The following ORC5 variants were observed in gnomAD, a reference collection of about 807,000 sequenced individuals.
ORC5 encodes the protein origin recognition complex subunit 5, also known as protein phosphatase 1, regulatory subunit 117.
In ORC5, 39 loss-of-function variants were observed where a neutral mutation model predicts 58.8. The ratio of observed to expected loss-of-function variants is 0.66; its 90% confidence interval spans 0.51 to 0.87. The LOEUF is 0.87. ORC5 is among the 40% of genes least tolerant of loss of function. The pLI is 0.00. For missense variants in ORC5, 493 were observed against 506.3 expected (o/e 0.97, Z 0.25); for synonymous variants, 218 against 177.6 (o/e 1.23, Z -1.81).
intron 12 of ORC5, among the ~76,000 whole-genome samples, chr7:104,140,336 T>C (rs990682007): frequency 6.6e-6 from 1 of 152,174 alleles, no homozygotes; most frequent in Non-Finnish European, 1.5e-5. Context: ...TCCTTTCCTT[T>C]TTCTCATTCC....
chr7:104,180,332 A>AAGAT (rs57851694), intron 8 of ORC5, among the ~76,000 whole-genome samples: 64,419 of 151,858 alleles, frequency 0.42, 15,980 homozygotes, highest in Non-Finnish European at 0.57. Context: ...GCATTTTATC[A>AAGAT]AGATAACTTT....
chr7:104,146,784 T>G (rs194866), intron 12 of ORC5, among the ~76,000 whole-genome samples: 1 of 151,852 alleles, frequency 6.6e-6, no homozygotes, highest in African/African-American at 2.4e-5. Flanking sequence ...CAAATATATA[T>G]AGACATACAC....
intron 12 of ORC5, among the ~76,000 whole-genome samples, chr7:104,159,247 T>C (rs1013400610): frequency 7.0e-6 from 1 of 143,726 alleles, no homozygotes; most frequent in Non-Finnish European, 1.5e-5. Flanking sequence ...AAACACCGCA[T>C]GTTCTCACTC....
chr7:104,202,058 C>T (rs1188150403), intron 2 of ORC5, among the ~76,000 whole-genome samples: 1 of 152,028 alleles, frequency 6.6e-6, no homozygotes, highest in Non-Finnish European at 1.5e-5. Context: ...ACACTGCACT[C>T]CAACCTGGGC....
chr7:104,197,832 A>G (rs775459764), intron 3 of ORC5, 33 bp from the exon 4 acceptor site: 1 of 1,353,772 alleles, frequency 7.4e-7, no homozygotes, highest in Non-Finnish European at 1.0e-6. Context: ...ACAAAAAGAA[A>G]TGCATTTACA....
chr7:104,127,936 C>T (rs569385178), intron 13 of ORC5, among the ~76,000 whole-genome samples: 12 of 152,118 alleles, frequency 7.9e-5, no homozygotes, highest in South Asian at 2.1e-4. Context: ...CTGAAGAATA[C>T]TAAGCCTTTC....
chr7:104,189,588 A>G (rs1458099790), intron 5 of ORC5, among the ~76,000 whole-genome samples: 3 of 152,148 alleles, frequency 2.0e-5, no homozygotes, highest in Non-Finnish European at 4.4e-5. Flanking sequence ...TCAAATCATG[A>G]CTATATAATG....
chr7:104,185,410 T>A, intron 6 of ORC5, among the ~76,000 whole-genome samples: 1 of 152,192 alleles, frequency 6.6e-6, no homozygotes, highest in Non-Finnish European at 1.5e-5. Context: ...GTTATATTTA[T>A]GTCACATAGA....
At chr7:104,207,710 T>A in intron 1 of ORC5, 123 bp downstream of exon 1, 1 of 787,510 alleles carries the variant, frequency 1.3e-6, no homozygotes, top group Non-Finnish European at 2.2e-6. Context: ...ACAACACCCC[T>A]ATTTAACGTA....
At chr7:104,203,840 A>C (rs1028182566) in intron 2 of ORC5, among the ~76,000 whole-genome samples, 2 of 152,220 alleles carry the variant, frequency 1.3e-5, no homozygotes, top group South Asian at 4.1e-4. Context: ...GGTAAATGAA[A>C]ATCCTAGCAG....
chr7:104,130,114 T>C (rs2115725164), intron 13 of ORC5, among the ~76,000 whole-genome samples: 1 of 152,248 alleles, frequency 6.6e-6, no homozygotes, highest in South Asian at 2.1e-4. Flanking sequence ...TTGTAACCTC[T>C]ATTTATCTTA....
At chr7:104,205,818 T>C (rs888812460) in intron 1 of ORC5, among the ~76,000 whole-genome samples, 4 of 152,148 alleles carry the variant, frequency 2.6e-5, no homozygotes, top group Non-Finnish European at 5.9e-5. Context: ...GGAGTTCGCC[T>C]GGGAAATACA....
rs1584472948 is a variant in ORC5, at chr7:104,129,202, C to G, written c.1263-2309G>C. ...AGGACTTCTCTATTTTTTGAGAAAT[C>G]TGTTTGTTACTATAGCATTAGAATA... is the stretch of plus-strand genomic sequence containing the variant. On this transcript the variant is annotated intron_variant, in intron 13 of 13. Coordinates refer to ENST00000297431, the MANE Select transcript of ORC5 (RefSeq NM_002553.4). This position sits in a 1 kb window ranked among gnomAD's most constrained non-coding sequence, Gnocchi z 4.9. Among the ~76,000 whole-genome samples, 1 of 152,056 alleles carries G rather than the reference C, an allele frequency of 6.6e-6. No homozygotes were observed. The highest frequency in any genetic ancestry group is 2.1e-4 in the South Asian group (1 of 4,830).
At chr7:104,159,397 C>T (rs1798986438) in intron 12 of ORC5, among the ~76,000 whole-genome samples, 1 of 146,470 alleles carries the variant, frequency 6.8e-6, no homozygotes, top group Admixed American at 6.8e-5. Context: ...TTAATGGGTG[C>T]AGCACACCAG....
chr7:104,193,137 C>T (rs1385852890), intron 5 of ORC5, among the ~76,000 whole-genome samples: 1 of 152,028 alleles, frequency 6.6e-6, no homozygotes, highest in Non-Finnish European at 1.5e-5. Context: ...CTCAACAAAT[C>T]CCCAGCAGGA....
chr7:104,198,302 A>G (rs776689587), intron 3 of ORC5, among the ~76,000 whole-genome samples: 47 of 152,390 alleles, frequency 3.1e-4, no homozygotes, highest in Non-Finnish European at 5.1e-4. Context: ...GCAACTTCCT[A>G]GAGACTTGTT....
chr7:104,148,081 G>A (rs1158010926), intron 12 of ORC5, among the ~76,000 whole-genome samples: 2 of 152,118 alleles, frequency 1.3e-5, no homozygotes, highest in Non-Finnish European at 2.9e-5. Flanking sequence ...ATATGGACTG[G>A]AATTTATTAC....
intron 13 of ORC5, among the ~76,000 whole-genome samples, chr7:104,131,667 C>T (rs1444477950): frequency 6.6e-6 from 1 of 152,092 alleles, no homozygotes; most frequent in East Asian, 1.9e-4. Flanking sequence ...GCCTGGCCAA[C>T]ATGGCAAAAC....
intron 12 of ORC5, among the ~76,000 whole-genome samples, chr7:104,142,529 A>G (rs760516661): frequency 3.3e-5 from 5 of 152,212 alleles, no homozygotes; most frequent in Non-Finnish European, 5.9e-5. Context: ...AATTATATTA[A>G]CAATTGTATT....
Sources: gnomAD v4.1 joint callset for allele counts (sites outside exome capture counted in the v4.1 genomes callset) on GRCh38, gnomAD v4.1.1 for gene constraint, Gnocchi (gnomAD v3.1) non-coding constraint, MANE v1.5 for transcripts, NCBI Gene and HGNC (gene_info 2026-07-23, HGNC 2026-07-21) for gene names.